The following TMEM132A variants were observed in gnomAD, a reference collection of about 807,000 sequenced individuals.
The protein encoded by TMEM132A is GRP78-binding protein.
In TMEM132A, 48 loss-of-function variants were observed where a neutral mutation model predicts 69.9. The observed-to-expected ratio is 0.69, with a 90% confidence interval of 0.55 to 0.87. The LOEUF (loss-of-function observed/expected upper bound fraction) is 0.87. TMEM132A is among the 40% of genes least tolerant of loss of function. TMEM132A has a pLI of 0.00. For missense variants in TMEM132A, 1,287 were observed against 1,407.2 expected (o/e 0.91, Z 1.37); for synonymous variants, 577 against 613.7 (o/e 0.94, Z 0.88).
chr11:60,933,540 A>G lies in TMEM132A; in HGVS notation c.1357-2A>G, dbSNP rs776509550. On this transcript the variant is annotated splice_acceptor_variant, in intron 7 of 10. Transcript: ENST00000453848. LOFTEE classifies it high-confidence loss of function. Reference sequence around the variant, plus strand: ...GCCCACCTGCCCTCTGCCCTTCCATAGGTGTCTGAGGCCTGTGATGCCGTG... The same window carrying G: ...GCCCACCTGCCCTCTGCCCTTCCATGGGTGTCTGAGGCCTGTGATGCCGTG... 8.1e-6 allele frequency: 13 copies of G among 1,605,368 alleles called. No individual in the cohort carries two copies. Among genetic ancestry groups the G allele is most frequent in the Non-Finnish European group, 1.1e-5 (13 of 1,178,172 alleles).
At chr11:60,927,925 G>A (rs576494449) in intron 3 of TMEM132A, 66 bp downstream of exon 3, 50 of 1,417,260 alleles carry the variant, frequency 3.5e-5, no homozygotes, top group Non-Finnish European at 4.5e-5. Flanking sequence ...GTGGGCCCGC[G>A]GCAGAGAGGA....
chr11:60,930,568 T>C lies in TMEM132A; in HGVS notation c.925T>C (p.Trp309Arg). The change falls in exon 5 of 11, where the codon TGG (tryptophan) becomes CGG (arginine). Residue 309 changes from tryptophan (W) to arginine (R), a missense_variant. By Grantham distance (101) the Trp-to-Arg change is moderately radical (BLOSUM62 -3). Transcript: ENST00000453848. The part of the protein sequence containing the change: ...TAARPAQPTL[W>R]TAKLDRFKGS... Reference sequence around the variant, plus strand: ...CGCCCGCCCAGCCCAGCCCACACTCTGGACTGCCAAGCTGGACCGCTTCAA... The same window carrying C: ...CGCCCGCCCAGCCCAGCCCACACTCCGGACTGCCAAGCTGGACCGCTTCAA... 1 of 1,612,600 alleles carries C rather than the reference T, an allele frequency of 6.2e-7. No homozygotes were observed. The highest frequency in any genetic ancestry group is 2.2e-5 in the East Asian group (1 of 44,794).
intron 8 of TMEM132A, chr11:60,934,155 A>G (rs896233684): frequency 2.2e-5 from 8 of 364,262 alleles, no homozygotes; most frequent in Non-Finnish European, 9.8e-6. Flanking sequence ...CCCAAAACCC[A>G]GGGAGAGGTG....
intron 7 of TMEM132A, 97 bp downstream of exon 7, chr11:60,932,224 A>G: frequency 7.2e-7 from 1 of 1,397,784 alleles, no homozygotes; most frequent in Non-Finnish European, 9.4e-7. Flanking sequence ...TCCCCAAGAG[A>G]ACAGCTTCTT....
chr11:60,934,774 T>C lies in TMEM132A; in HGVS notation c.1836+10T>C. On this transcript the variant is annotated intron_variant, in intron 9 of 10. Coordinates refer to ENST00000453848, the MANE Select transcript of TMEM132A (RefSeq NM_178031.3). ...TGTCACCTCCATTGAGGTAAGCAGC[T>C]GGGGACCAGGAGAGTAGACCCCCTG... is the stretch of plus-strand genomic sequence containing the variant. 1 of 1,591,416 alleles carries C rather than the reference T, an allele frequency of 6.3e-7. No homozygotes were observed. Among genetic ancestry groups the C allele is most frequent in the South Asian group, 1.1e-5 (1 of 89,292 alleles).
Position 60,930,592 on chromosome 11 carries a change from A to C in TMEM132A, c.949A>C (p.Lys317Gln). Residue 317 changes from lysine (K) to glutamine (Q), a missense_variant, in exon 5 of 11, where the codon AAG becomes CAG. By Grantham distance (53) the Lys-to-Gln change is moderately conservative. Transcript: ENST00000453848. The part of the protein sequence containing the change: ...TLWTAKLDRF[K>Q]GSRHHTTLIT... ...CTGGACTGCCAAGCTGGACCGCTTC[A>C]AGGGCTCCAGGCACCACACCACCCT... 1 of 1,613,548 alleles carries C rather than the reference A, an allele frequency of 6.2e-7. No homozygotes were observed. Among genetic ancestry groups the C allele is most frequent in the South Asian group, 1.1e-5 (1 of 91,026 alleles).
intron 4 of TMEM132A, 115 bp from the exon 5 acceptor site, chr11:60,930,395 G>T (rs1856449380): frequency 1.6e-6 from 2 of 1,262,466 alleles, no homozygotes; most frequent in Non-Finnish European, 2.2e-6. Context: ...GTGAAGAGGA[G>T]ATTCAGACTG....
At chr11:60,928,597 C>T in intron 3 of TMEM132A, 32 bp from the exon 4 acceptor site, 2 of 1,592,566 alleles carry the variant, frequency 1.3e-6, no homozygotes, top group Non-Finnish European at 1.7e-6. Context: ...GCACCCACCC[C>T]CATGCCAATT....
Position 60,935,169 on chromosome 11 carries a change from G to C in TMEM132A, c.1837-83G>C. 7.3e-7 allele frequency: 1 copy of C among 1,361,646 alleles called. No individual in the cohort carries two copies. The highest frequency in any genetic ancestry group is 2.1e-5 in the Admixed American group (1 of 47,368). 84.3% of individuals were successfully genotyped at this position (1,361,646 alleles called of 1,614,324 possible). Reference sequence around the variant, plus strand: ...CCCACCTCCGGAGGGCAGCCCGTGAGGGTGCTGGGAGCACCCGGTTCCCTC... The same window carrying C: ...CCCACCTCCGGAGGGCAGCCCGTGACGGTGCTGGGAGCACCCGGTTCCCTC... On this transcript the variant is annotated intron_variant, in intron 9 of 10. Coordinates refer to ENST00000453848, the MANE Select transcript of TMEM132A (RefSeq NM_178031.3). This position sits in a 1 kb window ranked among gnomAD's most constrained non-coding sequence, Gnocchi z 5.0.
In TMEM132A at chr11:60,934,608, C is replaced by T. The variant is rs1282421652; in HGVS notation, c.1680C>T (p.Asp560=). ...FLAPFAAHPL[D]GGRRLTHLLG... is the part of the protein sequence containing the mutation. ...CCCCCTTCGCGGCCCACCCGCTGGA[C>T]GGCGGCCGCCGCCTCACGCACCTGC... The change falls in exon 9 of 11, where the codon GAC becomes GAT. Residue 560 remains aspartate (D), a synonymous_variant. Coordinates refer to ENST00000453848, the MANE Select transcript of TMEM132A (RefSeq NM_178031.3). The T allele has an allele frequency of 3.8e-6, 6 of 1,577,540 alleles. No individual in the cohort carries two copies. Among genetic ancestry groups the T allele is most frequent in the Admixed American group, 3.5e-5 (2 of 57,250 alleles).
chr11:60,934,053 C>T (rs879417706), intron 8 of TMEM132A: 2 of 467,014 alleles, frequency 4.3e-6, no homozygotes, highest in Admixed American at 4.0e-5. Context: ...AGAATGTCAG[C>T]CCCTTGAAGC....
In TMEM132A at chr11:60,932,085, A is replaced by G; in HGVS notation, c.1314A>G (p.Thr438=). 3 of 1,571,014 alleles carry G rather than the reference A, an allele frequency of 1.9e-6. No homozygotes were observed. Among genetic ancestry groups the G allele is most frequent in the Non-Finnish European group, 1.7e-6 (2 of 1,162,152 alleles). The change falls in exon 7 of 11, where the codon ACA becomes ACG. Residue 438 remains threonine (T), a synonymous_variant. Transcript: ENST00000453848. ...GCGGGGGGGCCTTGGTGGAGGTGACAGAGCATGTCGGCTGCGAGTCTGCCA... is the reference window on the plus strand; with the variant it reads ...GCGGGGGGGCCTTGGTGGAGGTGACGGAGCATGTCGGCTGCGAGTCTGCCA... ...VDGGGALVEV[T]EHVGCESANT...
At chr11:60,934,267 G>A in intron 8 of TMEM132A, 1 of 431,152 alleles carries the variant, frequency 2.3e-6, no homozygotes, top group African/African-American at 2.1e-5. Context: ...GGGAGCAAGA[G>A]CGGTGATCGA....
At chr11:60,929,449 C>T (rs1856428305) in intron 4 of TMEM132A, among the ~76,000 whole-genome samples, 2 of 152,190 alleles carry the variant, frequency 1.3e-5, no homozygotes, top group Non-Finnish European at 2.9e-5. Context: ...TTCTTTGTGT[C>T]CTTTTCCGTA....
chr11:60,930,291 T>G (rs887024534), intron 4 of TMEM132A, among the ~76,000 whole-genome samples: 2 of 152,086 alleles, frequency 1.3e-5, no homozygotes, highest in African/African-American at 4.8e-5. Context: ...GCTTTGACCT[T>G]ATGGGCAGTG....
At position 60,930,742 on chromosome 11, in the gene TMEM132A, G is replaced by A. The variant is rs961766389; in HGVS notation, c.1016+83G>A. 3.6e-6 allele frequency: 5 copies of A among 1,373,216 alleles called. No individual in the cohort carries two copies. In the African/African-American group the frequency reaches 7.4e-5, roughly 20 times the overall value. 85.1% of individuals were successfully genotyped at this position (1,373,216 alleles called of 1,614,324 possible). A position where few individuals can be genotyped will look rare whatever the true frequency, so the allele number is the denominator to read the frequency against. On this transcript the variant is annotated intron_variant, in intron 5 of 10. Coordinates refer to ENST00000453848, the MANE Select transcript of TMEM132A (RefSeq NM_178031.3). ...GTTGAGCAGATTTGGAGGCTGCCAT[G>A]CTGCCTCTAGATCCCCAGGTGAGCA...
chr11:60,935,572 G>A lies in TMEM132A; in HGVS notation c.2028+129G>A. ...TTTTCAGAGTGAGGACTGACTCTGT[G>A]AGGTAGTGAGCTCTCTGCAGCTGGA... On this transcript the variant is annotated intron_variant, in intron 10 of 10. Coordinates refer to ENST00000453848, the MANE Select transcript of TMEM132A (RefSeq NM_178031.3). The surrounding 1 kb of genome is among the most constrained non-coding windows in gnomAD (Gnocchi z 5.0). The A allele has an allele frequency of 9.9e-7, 1 of 1,010,664 alleles. No individual in the cohort carries two copies. Among genetic ancestry groups the A allele is most frequent in the Non-Finnish European group, 1.4e-6 (1 of 696,408 alleles). The allele number at this position is 1,010,664 out of a possible 1,614,324, so 62.6% of individuals were successfully genotyped here. A position where few individuals can be genotyped will look rare whatever the true frequency, so the allele number is the denominator to read the frequency against.
At chr11:60,926,586 G>C (rs1856350920) in intron 1 of TMEM132A, 1 of 154,170 alleles carries the variant, frequency 6.5e-6, no homozygotes, top group African/African-American at 2.4e-5. Context: ...CAGGCTCCTG[G>C]TCCCCACCCC....
Position 60,935,748 on chromosome 11 carries a change from G to T in TMEM132A, c.2029-116G>T. The T allele has an allele frequency of 8.1e-7, 1 of 1,235,926 alleles. No homozygotes were observed. The highest frequency in any genetic ancestry group is 1.4e-5 in the South Asian group (1 of 71,272). 76.6% of individuals were successfully genotyped at this position (1,235,926 alleles called of 1,614,324 possible). On this transcript the variant is annotated intron_variant, in intron 10 of 10. Transcript: ENST00000453848. This position sits in a 1 kb window ranked among gnomAD's most constrained non-coding sequence, Gnocchi z 5.0. ...CTCCCTGTGTTTTGTCTATCTGCCT[G>T]TGTCTCTGTTTTCTCTCTGGTCTCT...
Sources: gnomAD v4.1 joint callset for allele counts (sites outside exome capture counted in the v4.1 genomes callset) on GRCh38, gnomAD v4.1.1 for gene constraint, Gnocchi (gnomAD v3.1) non-coding constraint, MANE v1.5 for transcripts, NCBI Gene and HGNC (gene_info 2026-07-23, HGNC 2026-07-21) for gene names.